Variants in GNA14 observed in about 807,000 individuals in gnomAD.
GNA14 encodes guanine nucleotide-binding protein subunit alpha-14.
A neutral mutation model predicts 42.0 loss-of-function variants in GNA14; 50 were observed. The ratio of observed to expected loss-of-function variants is 1.19; its 90% confidence interval spans 0.95 to 1.51. The LOEUF is 1.51. Among genes scored for constraint, GNA14 ranks in the 40% most tolerant of loss-of-function variants. The pLI is 0.00. For synonymous variants in GNA14, 173 were observed against 163.1 expected (o/e 1.06, Z -0.46); for missense variants, 473 against 446.2 (o/e 1.06, Z -0.54).
chr9:77,486,642 G>T (rs1464256264), intron 2 of GNA14, among the ~76,000 whole-genome samples: 1 of 152,122 alleles, frequency 6.6e-6, no homozygotes, highest in Non-Finnish European at 1.5e-5. Context: ...CTTTTCACTT[G>T]AACATTTTGA....
At chr9:77,531,880 G>A (rs1837534047) in intron 1 of GNA14, among the ~76,000 whole-genome samples, 1 of 149,572 alleles carries the variant, frequency 6.7e-6, no homozygotes, top group South Asian at 2.1e-4. Context: ...TGATTTTAAG[G>A]GTTCATACAA....
chr9:77,508,353 T>C (rs951207335), intron 2 of GNA14, among the ~76,000 whole-genome samples: 2 of 152,196 alleles, frequency 1.3e-5, no homozygotes, highest in Non-Finnish European at 2.9e-5. Context: ...TGAGCAAATA[T>C]GTTGAGATGC....
chr9:77,452,671 A>G, intron 2 of GNA14, among the ~76,000 whole-genome samples: 1 of 892 alleles, frequency 1.1e-3, no homozygotes, highest in Admixed American at 0.016. Flanking sequence ...TCTGTGTGGT[A>G]CATGTACCCC....
At position 77,648,159 on chromosome 9, in the gene GNA14, CGAGTTGGAACGTCGGTGCTCGGGGGA is replaced by C; in HGVS notation, c.-392_-367del. ...GCCGGACAGCAGTCGGGGGCGCAGA[CGAGTTGGAACGTCGGTGCTCGGGGGA>C]GAGTAGGATCTCCTGGGCCTAGGGG... On this transcript the variant is annotated 5_prime_UTR_variant, in exon 1 of 7. Coordinates refer to ENST00000341700, the MANE Select transcript of GNA14 (RefSeq NM_004297.4). The C allele has an allele frequency of 3.2e-6, 1 of 311,860 alleles. No individual in the cohort carries two copies. Among genetic ancestry groups the C allele is most frequent in the Non-Finnish European group, 6.0e-6 (1 of 167,750 alleles). The allele number at this position is 311,860 out of a possible 1,614,324, so 19.3% of individuals were successfully genotyped here.
At chr9:77,571,134 A>G (rs1024192936) in intron 1 of GNA14, among the ~76,000 whole-genome samples, 3 of 152,216 alleles carry the variant, frequency 2.0e-5, no homozygotes, top group African/African-American at 7.2e-5. Context: ...TGAGTCAGTT[A>G]TCTGTCAAAA....
At chr9:77,645,594 G>T (rs1728943170) in intron 1 of GNA14, among the ~76,000 whole-genome samples, 1 of 152,170 alleles carries the variant, frequency 6.6e-6, no homozygotes, top group Non-Finnish European at 1.5e-5. Flanking sequence ...GAGGAGGGTT[G>T]GAGCAATGGC....
intron 1 of GNA14, among the ~76,000 whole-genome samples, chr9:77,545,982 G>A (rs937766235): frequency 2.6e-5 from 4 of 151,974 alleles, no homozygotes; most frequent in Admixed American, 6.6e-5. Context: ...TCAGGAGGCC[G>A]AGGCAGGTGG....
At chr9:77,622,810 T>C (rs1808721609) in intron 1 of GNA14, among the ~76,000 whole-genome samples, 1 of 146,700 alleles carries the variant, frequency 6.8e-6, no homozygotes, top group Non-Finnish European at 1.5e-5. Flanking sequence ...AGGAGAATGG[T>C]GTGAACCCAG....
chr9:77,599,864 CAATT>C (rs1823527688), intron 1 of GNA14, among the ~76,000 whole-genome samples: 1 of 152,080 alleles, frequency 6.6e-6, no homozygotes, highest in Non-Finnish European at 1.5e-5. Flanking sequence ...GGAATAATGA[CAATT>C]AAATTTTAAA....
chr9:77,602,578 G>A (rs1275240700), intron 1 of GNA14, among the ~76,000 whole-genome samples: 1 of 151,812 alleles, frequency 6.6e-6, no homozygotes, highest in Non-Finnish European at 1.5e-5. Flanking sequence ...CCAGCCTGTA[G>A]CATTCTCCTC....
chr9:77,635,678 G>A (rs370539742), intron 1 of GNA14, among the ~76,000 whole-genome samples: 3 of 152,100 alleles, frequency 2.0e-5, no homozygotes, highest in African/African-American at 7.2e-5. Context: ...ATTTACTATG[G>A]TGGCATTTGC....
intron 2 of GNA14, among the ~76,000 whole-genome samples, chr9:77,525,579 C>A (rs902832557): frequency 3.4e-5 from 5 of 148,998 alleles, no homozygotes; most frequent in Non-Finnish European, 7.4e-5. Flanking sequence ...CGCTCTGTTG[C>A]CCAGGCTGGA....
intron 2 of GNA14, among the ~76,000 whole-genome samples, chr9:77,489,110 C>T (rs1195104212): frequency 6.6e-6 from 1 of 151,946 alleles, no homozygotes; most frequent in Admixed American, 6.6e-5. Flanking sequence ...AATCATGGAA[C>T]TGAGCAATAC....
chr9:77,474,278 A>T (rs1377711807), intron 2 of GNA14, among the ~76,000 whole-genome samples: 1 of 152,238 alleles, frequency 6.6e-6, no homozygotes. Context: ...ACTTCTATTC[A>T]GAATGAAGAA....
intron 1 of GNA14, among the ~76,000 whole-genome samples, chr9:77,620,130 C>A (rs1823897796): frequency 6.6e-6 from 1 of 152,074 alleles, no homozygotes; most frequent in Admixed American, 6.6e-5. Context: ...AGTCTATCTG[C>A]CTTGAATGAT....
chr9:77,647,763 C>A lies in GNA14; in HGVS notation c.31G>T (p.Glu11Ter), dbSNP rs745814997. 1 of 1,610,366 alleles carries A rather than the reference C, an allele frequency of 6.2e-7. No individual in the cohort carries two copies. The highest frequency in any genetic ancestry group is 1.1e-5 in the South Asian group (1 of 90,400). Reference protein sequence around the residue: MAGCCCLSAEEKESQRISAEI... With the variant: MAGCCCLSAE ...GCGCTGATGCGCTGCGACTCCTTCT[C>A]CTCCGCGGACAGGCAGCAGCAGCCG... is the stretch of plus-strand genomic sequence containing the variant. The change falls in exon 1 of 7, where the codon GAG (glutamate) becomes TAG (stop). Residue 11 changes from glutamate (E) to a stop codon, truncating the protein, a stop_gained. Coordinates refer to ENST00000341700, the MANE Select transcript of GNA14 (RefSeq NM_004297.4). LOFTEE classifies it high-confidence loss of function.
chr9:77,634,350 T>C (rs1401812226), intron 1 of GNA14, among the ~76,000 whole-genome samples: 1 of 148,766 alleles, frequency 6.7e-6, no homozygotes, highest in Non-Finnish European at 1.5e-5. Context: ...CCCAGAAGTT[T>C]GAGACAGAAG....
intron 1 of GNA14, among the ~76,000 whole-genome samples, chr9:77,559,890 G>C (rs1276219573): frequency 1.3e-5 from 2 of 152,172 alleles, no homozygotes; most frequent in African/African-American, 4.8e-5. Context: ...CCTACAGATA[G>C]AAAATACTTC....
intron 1 of GNA14, among the ~76,000 whole-genome samples, chr9:77,549,612 C>CA (rs1377740010): frequency 5.3e-5 from 8 of 152,150 alleles, no homozygotes; most frequent in Non-Finnish European, 7.4e-5. Flanking sequence ...CCTAGCCTGA[C>CA]AATCTGCACA....
Sources: gnomAD v4.1 joint callset for allele counts (sites outside exome capture counted in the v4.1 genomes callset) on GRCh38, gnomAD v4.1.1 for gene constraint, MANE v1.5 for transcripts, NCBI Gene and HGNC (gene_info 2026-07-23, HGNC 2026-07-21) for gene names.